Variants in GREB1L observed in about 807,000 individuals in gnomAD.
The protein encoded by GREB1L is GREB1-like protein.
GREB1L carries 17 observed loss-of-function variants against 200.8 expected under a neutral mutation model. The ratio of observed to expected loss-of-function variants is 0.08; its 90% CI spans 0.06 to 0.13. GREB1L has a LOEUF of 0.13. GREB1L is among the 10% of genes least tolerant of loss of function. The pLI is 1.00. For missense variants in GREB1L, 1,657 were observed against 2,367.7 expected, an observed-to-expected ratio of 0.70 and a Z score of 6.23; for synonymous variants, 789 against 893.0, an observed-to-expected ratio of 0.88 and a Z score of 2.08.
chr18:21,351,797 A>C (rs2039437108), intron 1 of GREB1L, among the ~76,000 whole-genome samples: 1 of 152,122 alleles, frequency 6.6e-6, no homozygotes, highest in African/African-American at 2.4e-5. Flanking sequence ...ATGGTCATGG[A>C]AAGTTTTGCA....
At chr18:21,252,727 G>A (rs2037732127) in intron 1 of GREB1L, among the ~76,000 whole-genome samples, 1 of 151,500 alleles carries the variant, frequency 6.6e-6, no homozygotes, top group East Asian at 1.9e-4. Flanking sequence ...AATTAGCTGG[G>A]CGTCATGGCG....
At chr18:21,281,911 C>T (rs570633423) in intron 1 of GREB1L, among the ~76,000 whole-genome samples, 1 of 152,194 alleles carries the variant, frequency 6.6e-6, no homozygotes, top group Non-Finnish European at 1.5e-5. Flanking sequence ...TTAGAAATTT[C>T]CCACTAACCA....
At chr18:21,436,093 C>T (rs2033519269) in intron 7 of GREB1L, among the ~76,000 whole-genome samples, 1 of 151,978 alleles carries the variant, frequency 6.6e-6, no homozygotes, top group Non-Finnish European at 1.5e-5. Flanking sequence ...ATGGTGATTG[C>T]CATCATCTGA....
At chr18:21,352,253 C>T (rs887001934) in intron 1 of GREB1L, among the ~76,000 whole-genome samples, 1 of 152,106 alleles carries the variant, frequency 6.6e-6, no homozygotes, top group Non-Finnish European at 1.5e-5. Flanking sequence ...ACTATGCAAA[C>T]ATCCATAAAC....
At chr18:21,357,009 A>T (rs1050574875) in intron 1 of GREB1L, among the ~76,000 whole-genome samples, 7 of 152,054 alleles carry the variant, frequency 4.6e-5, no homozygotes, top group African/African-American at 1.5e-4. Flanking sequence ...TGCCCATTTT[A>T]AAATTAGGGT....
In GREB1L at chr18:21,250,748, G is replaced by T. The variant is rs183544313; in HGVS notation, c.-120+8355G>T. On this transcript the variant is annotated intron_variant, in intron 1 of 32. Transcript: ENST00000424526. ...ATAACTTGTATCCACATCAGAGGGT[G>T]GGGGAACCTTTTCACTTGAGAGTTC... 3.6e-3 allele frequency among the ~76,000 whole-genome samples: 553 copies of T among 152,302 alleles called. 2 individuals carry two copies. Among genetic ancestry groups the T allele is most frequent in the Middle Eastern group, 0.014 (4 of 294 alleles).
At chr18:21,445,041 G>A (rs2034132104) in intron 11 of GREB1L, among the ~76,000 whole-genome samples, 1 of 152,220 alleles carries the variant, frequency 6.6e-6, no homozygotes. Flanking sequence ...GCCCCAAAGT[G>A]GGTGTATGCA....
intron 2 of GREB1L, among the ~76,000 whole-genome samples, chr18:21,374,143 A>G (rs2039982976): frequency 6.6e-6 from 1 of 152,070 alleles, no homozygotes; most frequent in South Asian, 2.1e-4. Context: ...CTGGGACCGC[A>G]GGCACACACC....
chr18:21,469,036 G>C (rs1405160933), intron 15 of GREB1L, among the ~76,000 whole-genome samples: 1 of 152,188 alleles, frequency 6.6e-6, no homozygotes, highest in Non-Finnish European at 1.5e-5. Flanking sequence ...GCATTGTAAA[G>C]TTACTAGTTT....
chr18:21,339,262 T>C (rs2039233981), intron 1 of GREB1L, among the ~76,000 whole-genome samples: 2 of 152,194 alleles, frequency 1.3e-5, no homozygotes, highest in Non-Finnish European at 2.9e-5. Flanking sequence ...TGTATTTGAT[T>C]GTATAGAATC....
chr18:21,298,476 G>A (rs1405155083), intron 1 of GREB1L, among the ~76,000 whole-genome samples: 3 of 152,130 alleles, frequency 2.0e-5, no homozygotes, highest in African/African-American at 4.8e-5. Flanking sequence ...CCTTGAGGAC[G>A]TGGACCATAT....
intron 15 of GREB1L, among the ~76,000 whole-genome samples, chr18:21,459,684 G>T (rs926525204): frequency 6.6e-6 from 1 of 152,006 alleles, no homozygotes; most frequent in Non-Finnish European, 1.5e-5. Flanking sequence ...AAAAAATAAA[G>T]ACATATTTTT....
chr18:21,340,434 C>A (rs1210707830), intron 1 of GREB1L, among the ~76,000 whole-genome samples: 10 of 150,934 alleles, frequency 6.6e-5, no homozygotes, highest in African/African-American at 1.7e-4. Flanking sequence ...AACAAACAAA[C>A]AAAAAAAACC....
intron 1 of GREB1L, among the ~76,000 whole-genome samples, chr18:21,276,867 A>C (rs1327799749): frequency 6.7e-6 from 1 of 149,196 alleles, no homozygotes; most frequent in African/African-American, 2.5e-5. Context: ...ACTTCTTTGG[A>C]TCCTCCATTT....
At chr18:21,264,697 G>A (rs1259521720) in intron 1 of GREB1L, among the ~76,000 whole-genome samples, 1 of 6,562 alleles carries the variant, frequency 1.5e-4, no homozygotes, top group South Asian at 4.6e-3. Context: ...CTTCACCCCC[G>A]CCCCACGCCC....
At position 21,384,379 on chromosome 18, in the gene GREB1L, C is replaced by T; in HGVS notation, c.331C>T (p.Pro111Ser). 1 of 1,551,410 alleles carries T rather than the reference C, an allele frequency of 6.4e-7. No homozygotes were observed. Among genetic ancestry groups the T allele is most frequent in the East Asian group, 2.4e-5 (1 of 40,888 alleles). ...PPIPYSQKPA[P>S]EGSCTTDGFC... is the part of the protein sequence containing the mutation. ...AATTCCCTATTCACAAAAACCTGCC[C>T]CAGAAGGATCTTGCACTACAGATGG... is the stretch of plus-strand genomic sequence containing the variant. Residue 111 changes from proline to serine, a missense_variant, in exon 4 of 33, where the codon CCA becomes TCA. Around this residue, in one of 9 missense-constraint regions of GREB1L, gnomAD observed 70 missense variants for 151.3 expected, o/e 0.46. Transcript: ENST00000424526.
chr18:21,350,216 T>C (rs1194992049), intron 1 of GREB1L, among the ~76,000 whole-genome samples: 2 of 151,604 alleles, frequency 1.3e-5, no homozygotes, highest in African/African-American at 2.4e-5. Context: ...GGAAAGGGAA[T>C]AGATTTTTCT....
At chr18:21,247,410 G>A (rs187127365) in intron 1 of GREB1L, among the ~76,000 whole-genome samples, 5 of 152,296 alleles carry the variant, frequency 3.3e-5, no homozygotes, top group Admixed American at 3.3e-4. Flanking sequence ...CTTGATAAAT[G>A]TTTGTTGCTG....
At chr18:21,247,232 C>G (rs1281343308) in intron 1 of GREB1L, among the ~76,000 whole-genome samples, 1 of 151,778 alleles carries the variant, frequency 6.6e-6, no homozygotes, top group Non-Finnish European at 1.5e-5. Context: ...TACCACCCCA[C>G]CCTTCAGTGC....
Sources: allele counts gnomAD v4.1 joint callset (sites outside exome capture counted in the v4.1 genomes callset), GRCh38; gene constraint gnomAD v4.1.1; regional missense constraint gnomAD v4.1.1; transcripts MANE v1.5; gene names NCBI Gene and HGNC (gene_info 2026-07-23, HGNC 2026-07-21).